Variants in NRROS observed in about 807,000 individuals in gnomAD.
NRROS encodes the protein negative regulator of reactive oxygen species.
A neutral mutation model predicts 12.0 loss-of-function variants in NRROS; 6 were observed. The ratio of observed to expected loss-of-function variants is 0.50; its 90% CI spans 0.27 to 0.98. The LOEUF is 0.98. Among genes scored for constraint, NRROS ranks in the 50% least tolerant of loss-of-function variants. The pLI is 0.11. For synonymous variants in NRROS, 462 were observed against 410.2 expected, an observed-to-expected ratio of 1.13 and a Z score of -1.53; for missense variants, 857 against 888.2, an observed-to-expected ratio of 0.96 and a Z score of 0.45.
rs1560057313 is a variant in NRROS, at chr3:196,661,459, G to A, written c.1816G>A (p.Ala606Thr). 1.9e-6 allele frequency: 3 copies of A among 1,599,008 alleles called. No individual in the cohort carries two copies. Among genetic ancestry groups the A allele is most frequent in the Admixed American group, 3.4e-5 (2 of 59,416 alleles). ...YDCCGVDGWG[A>T]LQHGQTVADW... ...CTGCTGTGGGGTGGATGGCTGGGGG[G>A]CCCTGCAGCATGGGCAGACGGTGGC... The change falls in exon 3 of 3, where the codon GCC becomes ACC. Residue 606 changes from alanine to threonine, a missense_variant. Coordinates refer to ENST00000328557, the MANE Select transcript of NRROS (RefSeq NM_198565.3).
rs756226162 is a variant in NRROS at position 196,660,570 on chromosome 3, C to T, written c.927C>T (p.Asn309=). 3.1e-6 allele frequency: 5 copies of T among 1,614,184 alleles called. No homozygotes were observed. The highest frequency in any genetic ancestry group is 4.2e-6 in the Non-Finnish European group (5 of 1,180,018). ...CCCAGTTCCTCCTCGTGGACGGCAA[C>T]GTGACCAACATCACCACCGTCAGCC... is the stretch of plus-strand genomic sequence containing the variant. ...MVAQFLLVDG[N]VTNITTVSLW... Residue 309 remains asparagine, a synonymous_variant, in exon 3 of 3, where the codon AAC becomes AAT. Transcript: ENST00000328557. This position sits in a 1 kb window ranked among gnomAD's most constrained non-coding sequence, Gnocchi z 7.7.
In NRROS at chr3:196,661,281, T is replaced by C. The variant is rs2108644347; in HGVS notation, c.1638T>C (p.Asn546=). The change falls in exon 3 of 3, where the codon AAT becomes AAC. Residue 546 remains asparagine (N), a synonymous_variant. Transcript: ENST00000328557. ...TCAGGGACTTAGATCTGTCGGGGAA[T>C]TGCTTGACCACCTTCCCAAGGTTTG... ...GNLRDLDLSG[N]CLTTFPRFGG... is the part of the protein sequence containing the mutation. 1 of 1,612,968 alleles carries C rather than the reference T, an allele frequency of 6.2e-7. No individual in the cohort carries two copies.
rs773710110 is a variant in NRROS, at chr3:196,661,045, T to C, written c.1402T>C (p.Ser468Pro). The change falls in exon 3 of 3, where the codon TCT becomes CCT. Residue 468 changes from serine (S) to proline (P), a missense_variant. Physicochemically the swap from Ser to Pro is moderately conservative, Grantham distance 74. Transcript: ENST00000328557. ...GAATATGGCATCTTTAAGGAGCCTGTCTCTGGAGGGCTGTGGCCTGGGGGC... is the reference window on the plus strand; with the variant it reads ...GAATATGGCATCTTTAAGGAGCCTGCCTCTGGAGGGCTGTGGCCTGGGGGC... Reference protein sequence around the residue: ...FRNMASLRSLSLEGCGLGALP... With the variant: ...FRNMASLRSLPLEGCGLGALP... 1.2e-6 allele frequency: 2 copies of C among 1,614,182 alleles called. No homozygotes were observed. Among genetic ancestry groups the C allele is most frequent in the Non-Finnish European group, 1.7e-6 (2 of 1,180,036 alleles).
rs780258807 is a variant in NRROS at position 196,661,340 on chromosome 3, G to A, written c.1697G>A (p.Arg566His). 15 of 1,586,508 alleles carry A rather than the reference G, an allele frequency of 9.5e-6. No individual in the cohort carries two copies. The highest frequency in any genetic ancestry group is 1.3e-5 in the African/African-American group (1 of 74,190). Residue 566 changes from arginine to histidine, a missense_variant, in exon 3 of 3, where the codon CGT (arginine) becomes CAT (histidine). Transcript: ENST00000328557. ...CTGGCCCTGGAGACCCTGGATCTCC[G>A]TAGAAACTCGCTCACAGCCCTTCCC... ...GSLALETLDL[R>H]RNSLTALPQK...
Position 196,660,625 on chromosome 3 carries a change from G to A in NRROS, c.982G>A (p.Ala328Thr), listed in dbSNP as rs776104305. Residue 328 changes from alanine to threonine, a missense_variant, in exon 3 of 3, where the codon GCA becomes ACA. By Grantham distance (58) the Ala-to-Thr change is moderately conservative. Coordinates refer to ENST00000328557, the MANE Select transcript of NRROS (RefSeq NM_198565.3). This position sits in a 1 kb window ranked among gnomAD's most constrained non-coding sequence, Gnocchi z 7.7. ...GGAAGAATTCTCCTCCAGCGACCTC[G>A]CAGATCTCCGCTTCCTGGACATGAG... ...LWEEFSSSDL[A>T]DLRFLDMSQN... 32 of 1,614,038 alleles carry A rather than the reference G, an allele frequency of 2.0e-5. No individual in the cohort carries two copies. Among genetic ancestry groups the A allele is most frequent in the Middle Eastern group, 3.3e-4 (2 of 6,084 alleles).
intron 2 of NRROS, among the ~76,000 whole-genome samples, chr3:196,656,279 A>C (rs1362708877): frequency 6.6e-6 from 1 of 152,270 alleles, no homozygotes; most frequent in African/African-American, 2.4e-5. Flanking sequence ...ACATTCAAGT[A>C]TGTATTCTTA....
At chr3:196,659,296 C>CTTTTT (rs35305090) in intron 2 of NRROS, among the ~76,000 whole-genome samples, 4 of 81,442 alleles carry the variant, frequency 4.9e-5, no homozygotes, top group Non-Finnish European at 9.1e-5. Context: ...CTCTCAAGTC[C>CTTTTT]TTTTTTTTTT....
rs1737647779 is a variant in NRROS at position 196,660,555 on chromosome 3, C to T, written c.912C>T (p.Leu304=). 6.2e-7 allele frequency: 1 copy of T among 1,614,164 alleles called. No individual in the cohort carries two copies. The highest frequency in any genetic ancestry group is 2.2e-5 in the East Asian group (1 of 44,880). The change falls in exon 3 of 3, where the codon CTC becomes CTT. Residue 304 remains leucine (L), a synonymous_variant. Coordinates refer to ENST00000328557, the MANE Select transcript of NRROS (RefSeq NM_198565.3). The surrounding 1 kb of genome is among the most constrained non-coding windows in gnomAD (Gnocchi z 7.7). ...CGAGGGAGATGGTGGCCCAGTTCCTCCTCGTGGACGGCAACGTGACCAACA... is the reference window on the plus strand; with the variant it reads ...CGAGGGAGATGGTGGCCCAGTTCCTTCTCGTGGACGGCAACGTGACCAACA... The part of the protein sequence containing the change: ...SSPREMVAQF[L]LVDGNVTNIT...
Position 196,661,234 on chromosome 3 carries a change from G to A in NRROS, c.1591G>A (p.Asp531Asn). ...CCTCCACTCCAGCTTTATGGCGTTGGACTTCTCTGGGTTTGGGAATCTCAG... is the reference window on the plus strand; with the variant it reads ...CCTCCACTCCAGCTTTATGGCGTTGAACTTCTCTGGGTTTGGGAATCTCAG... ...MGLHSSFMALDFSGFGNLRDL... is the reference protein window; with the variant it reads ...MGLHSSFMALNFSGFGNLRDL... The change falls in exon 3 of 3, where the codon GAC becomes AAC. Residue 531 changes from aspartate to asparagine, a missense_variant. Coordinates refer to ENST00000328557, the MANE Select transcript of NRROS (RefSeq NM_198565.3). The A allele has an allele frequency of 6.2e-7, 1 of 1,614,012 alleles. No individual in the cohort carries two copies.
At chr3:196,655,691 G>C (rs1187076803) in intron 2 of NRROS, among the ~76,000 whole-genome samples, 1 of 152,320 alleles carries the variant, frequency 6.6e-6, no homozygotes, top group Non-Finnish European at 1.5e-5. Context: ...GGGAGGACTT[G>C]CTGCCATGCC....
At chr3:196,644,202 G>A (rs758405950) in intron 1 of NRROS, among the ~76,000 whole-genome samples, 13 of 152,078 alleles carry the variant, frequency 8.5e-5, no homozygotes, top group African/African-American at 1.4e-4. Context: ...GACAGCCCCC[G>A]TCTTGCTTTG....
intron 1 of NRROS, among the ~76,000 whole-genome samples, chr3:196,640,696 A>C (rs944006796): frequency 1.8e-4 from 27 of 152,208 alleles, no homozygotes; most frequent in Admixed American, 6.5e-5. Flanking sequence ...GAAAGAAGTA[A>C]GGAGCCACTG....
intron 1 of NRROS, among the ~76,000 whole-genome samples, chr3:196,640,853 A>AC (rs1403159732): frequency 6.6e-6 from 1 of 151,840 alleles, no homozygotes; most frequent in Non-Finnish European, 1.5e-5. Context: ...GGCTGAGGGG[A>AC]CCCCACCGGA....
intron 1 of NRROS, among the ~76,000 whole-genome samples, chr3:196,644,324 T>G (rs139586802): frequency 2.7e-5 from 4 of 146,552 alleles, no homozygotes; most frequent in African/African-American, 7.6e-5. Context: ...GCTTGTACCC[T>G]GGAGGCGGAG....
rs551901794 is a variant in NRROS, at chr3:196,654,402, C to G, written c.-13-125C>G. ...TATCTGAGTATCCTGTGGGCTGCAC[C>G]TCTATGGAGCTCCACAGAGCTCCAA... On this transcript the variant is annotated intron_variant, in intron 1 of 2. Coordinates refer to ENST00000328557, the MANE Select transcript of NRROS (RefSeq NM_198565.3). The surrounding 1 kb of genome is among the most constrained non-coding windows in gnomAD (Gnocchi z 4.4). 98 of 698,336 alleles carry G rather than the reference C, an allele frequency of 1.4e-4. No homozygotes were observed. The East Asian group carries it at 2.5e-3, about 17-fold the overall frequency. 43.3% of individuals were successfully genotyped at this position (698,336 alleles called of 1,614,324 possible). A position where few individuals can be genotyped will look rare whatever the true frequency, so the allele number is the denominator to read the frequency against.
intron 1 of NRROS, among the ~76,000 whole-genome samples, chr3:196,649,351 C>T (rs1577630586): frequency 6.6e-6 from 1 of 152,202 alleles, no homozygotes; most frequent in African/African-American, 2.4e-5. Flanking sequence ...CTTGTGGAGG[C>T]CTCCATCCGG....
chr3:196,651,694 A>G (rs901300402), intron 1 of NRROS, among the ~76,000 whole-genome samples: 6 of 152,128 alleles, frequency 3.9e-5, no homozygotes, highest in Admixed American at 3.9e-4. Context: ...TGAACCCGGG[A>G]GGTGGAGTTT....
Position 196,659,870 on chromosome 3 carries a change from C to T in NRROS, c.227C>T (p.Ser76Phe). 6.2e-7 allele frequency: 1 copy of T among 1,614,140 alleles called. No homozygotes were observed. The highest frequency in any genetic ancestry group is 8.5e-7 in the Non-Finnish European group (1 of 1,180,004). ...CCTCTCAAGACCCTGTGGAATCACT[C>T]CCTCCAGCCTTACCCTCTCCTGGAG... is the stretch of plus-strand genomic sequence containing the variant. The part of the protein sequence containing the change: ...ANPLKTLWNH[S>F]LQPYPLLESL... The change falls in exon 3 of 3, where the codon TCC becomes TTC. Residue 76 changes from serine (S) to phenylalanine (F), a missense_variant. By Grantham distance (155) the Ser-to-Phe change is radical. Transcript: ENST00000328557.
chr3:196,659,708 C>A, intron 2 of NRROS, 44 bp from the exon 3 acceptor site: 1 of 1,565,152 alleles, frequency 6.4e-7, no homozygotes, highest in South Asian at 1.2e-5. Flanking sequence ...TAAATGCTTG[C>A]CTCTGGGCCT....
Sources: allele counts gnomAD v4.1 joint callset (sites outside exome capture counted in the v4.1 genomes callset), GRCh38; gene constraint gnomAD v4.1.1; non-coding constraint Gnocchi (gnomAD v3.1); transcripts MANE v1.5; gene names NCBI Gene and HGNC (gene_info 2026-07-23, HGNC 2026-07-21).